Variants in KCNQ5 observed in about 807,000 individuals in gnomAD.
The protein encoded by KCNQ5 is potassium voltage-gated channel subfamily Q member 5.
A neutral mutation model predicts 98.2 loss-of-function variants in KCNQ5; 30 were observed. That is an observed-to-expected ratio of 0.31 (90% CI 0.23 to 0.41). KCNQ5 has a LOEUF of 0.41. KCNQ5 is among the 10% of genes least tolerant of loss of function. KCNQ5 has a pLI of 1.00. For synonymous variants in KCNQ5, 458 were observed against 449.4 expected (o/e 1.02, Z -0.24); for missense variants, 835 against 1,182.5 (o/e 0.71, Z 4.31).
chr6:72,960,301 TTTGTGAAA>T (rs1423757606), intron 1 of KCNQ5, among the ~76,000 whole-genome samples: 2 of 152,198 alleles, frequency 1.3e-5, no homozygotes, highest in Non-Finnish European at 2.9e-5. Context: ...AAAATATTTA[TTTGTGAAA>T]TAAACATCTC....
chr6:72,752,767 A>G (rs1189588162), intron 1 of KCNQ5, among the ~76,000 whole-genome samples: 1 of 152,156 alleles, frequency 6.6e-6, no homozygotes, highest in Non-Finnish European at 1.5e-5. Flanking sequence ...TTTCTGTCCT[A>G]ATAACCTATC....
intron 1 of KCNQ5, among the ~76,000 whole-genome samples, chr6:72,806,571 A>T (rs1217414303): frequency 6.6e-6 from 1 of 152,218 alleles, no homozygotes; most frequent in Non-Finnish European, 1.5e-5. Context: ...CAATAAGCAG[A>T]GAATCATAAT....
intron 1 of KCNQ5, among the ~76,000 whole-genome samples, chr6:72,934,296 A>G (rs1765808100): frequency 6.6e-6 from 1 of 152,180 alleles, no homozygotes; most frequent in Non-Finnish European, 1.5e-5. Context: ...GATGGTGATG[A>G]TGACTGATGA....
At chr6:72,771,831 A>T (rs1232578367) in intron 1 of KCNQ5, among the ~76,000 whole-genome samples, 1 of 152,076 alleles carries the variant, frequency 6.6e-6, no homozygotes, top group Non-Finnish European at 1.5e-5. Flanking sequence ...AGCTCTTGTG[A>T]GTTGAAAAGC....
intron 1 of KCNQ5, among the ~76,000 whole-genome samples, chr6:72,772,178 A>G (rs1772931538): frequency 6.6e-6 from 1 of 152,172 alleles, no homozygotes; most frequent in African/African-American, 2.4e-5. Context: ...TCTCTAGTGC[A>G]GTTACAATTT....
chr6:73,076,007 T>C (rs754640143), intron 3 of KCNQ5, among the ~76,000 whole-genome samples: 1 of 152,148 alleles, frequency 6.6e-6, no homozygotes, highest in Middle Eastern at 3.4e-3. Flanking sequence ...GCCTGGGTGA[T>C]AGAGTGAGAC....
chr6:72,988,021 G>A (rs1768881407), intron 1 of KCNQ5, among the ~76,000 whole-genome samples: 1 of 152,182 alleles, frequency 6.6e-6, no homozygotes. Context: ...CTATCTTGAT[G>A]GGCTTGGATG....
At chr6:73,133,007 A>G (rs532758156) in intron 9 of KCNQ5, among the ~76,000 whole-genome samples, 72 of 152,238 alleles carry the variant, frequency 4.7e-4, no homozygotes, top group Non-Finnish European at 6.8e-4. Flanking sequence ...GTTTACCTGT[A>G]GAAATGTCTA....
chr6:73,030,831 A>G (rs1771112747), intron 2 of KCNQ5, among the ~76,000 whole-genome samples: 1 of 152,160 alleles, frequency 6.6e-6, no homozygotes, highest in Admixed American at 6.5e-5. Flanking sequence ...CATGATCCCA[A>G]AGGTTTCCAT....
chr6:72,810,513 A>G (rs1415763372), intron 1 of KCNQ5, among the ~76,000 whole-genome samples: 1 of 152,234 alleles, frequency 6.6e-6, no homozygotes, highest in Non-Finnish European at 1.5e-5. Flanking sequence ...TCATTGTCAG[A>G]GTAATGACAG....
intron 2 of KCNQ5, among the ~76,000 whole-genome samples, chr6:73,035,243 C>G (rs1771360741): frequency 6.6e-6 from 1 of 152,100 alleles, no homozygotes; most frequent in Admixed American, 6.5e-5. Flanking sequence ...AATGAGGAAC[C>G]ATTGTAACTC....
At chr6:72,957,556 G>A (rs571435002) in intron 1 of KCNQ5, among the ~76,000 whole-genome samples, 3 of 152,224 alleles carry the variant, frequency 2.0e-5, no homozygotes, top group Non-Finnish European at 4.4e-5. Context: ...GCCTGAACAT[G>A]ATCATTTTTA....
chr6:72,916,328 T>C (rs1049093952), intron 1 of KCNQ5, among the ~76,000 whole-genome samples: 3 of 152,200 alleles, frequency 2.0e-5, no homozygotes, highest in Non-Finnish European at 4.4e-5. Flanking sequence ...CTACCAGATA[T>C]TGTGCCTGCC....
At chr6:73,041,186 A>G (rs924267170) in intron 2 of KCNQ5, among the ~76,000 whole-genome samples, 1 of 152,204 alleles carries the variant, frequency 6.6e-6, no homozygotes, top group Non-Finnish European at 1.5e-5. Context: ...TTTTCATTCT[A>G]TCATCGACTG....
intron 1 of KCNQ5, among the ~76,000 whole-genome samples, chr6:72,742,022 A>G (rs1771153431): frequency 6.6e-6 from 1 of 152,190 alleles, no homozygotes; most frequent in Non-Finnish European, 1.5e-5. Context: ...ATGCTCTGCC[A>G]TTGAGCCTAT....
At chr6:72,917,062 G>GA (rs1319862428) in intron 1 of KCNQ5, among the ~76,000 whole-genome samples, 1 of 152,188 alleles carries the variant, frequency 6.6e-6, no homozygotes, top group Non-Finnish European at 1.5e-5. Flanking sequence ...ACATCCACAG[G>GA]AATGAGTTCT....
intron 1 of KCNQ5, among the ~76,000 whole-genome samples, chr6:72,722,848 A>ATTT: frequency 8.2e-6 from 1 of 121,424 alleles, no homozygotes; most frequent in African/African-American, 3.7e-5. Flanking sequence ...GGTTTGGTTG[A>ATTT]CTTTTTTTTT....
chr6:72,928,726 C>T (rs1169004777), intron 1 of KCNQ5, among the ~76,000 whole-genome samples: 7 of 152,022 alleles, frequency 4.6e-5, no homozygotes, highest in Non-Finnish European at 8.8e-5. Context: ...TCTAATATGT[C>T]TCTATGTATA....
intron 1 of KCNQ5, among the ~76,000 whole-genome samples, chr6:72,926,718 T>A (rs1034929673): frequency 6.6e-6 from 1 of 152,172 alleles, no homozygotes; most frequent in African/African-American, 2.4e-5. Context: ...CAAAAATTTA[T>A]CATTTTAGGG....
Sources: gnomAD v4.1 joint callset for allele counts (sites outside exome capture counted in the v4.1 genomes callset) on GRCh38, gnomAD v4.1.1 for gene constraint, MANE v1.5 for transcripts, NCBI Gene and HGNC (gene_info 2026-07-23, HGNC 2026-07-21) for gene names.